The following PCDHGA10 variants were observed in gnomAD, a reference collection of about 807,000 sequenced individuals.
PCDHGA10 encodes protocadherin gamma-A10.
In PCDHGA10, 42 loss-of-function variants were observed where a neutral mutation model predicts 59.5. That is an observed-to-expected ratio of 0.71 (90% CI 0.55 to 0.91). PCDHGA10 has a LOEUF of 0.91. Among genes scored for constraint, PCDHGA10 ranks in the 40% least tolerant of loss-of-function variants. The pLI, the probability that PCDHGA10 is intolerant of heterozygous loss-of-function variation, is 0.00. For missense variants in PCDHGA10, 1,111 were observed against 1,198.2 expected (o/e 0.93, Z 1.07); for synonymous variants, 511 against 517.2 (o/e 0.99, Z 0.16).
At chr5:141,426,702 C>CA (rs1187798274) in intron 1 of PCDHGA10, 1 of 439,184 alleles carries the variant, frequency 2.3e-6, no homozygotes, top group Admixed American at 2.4e-5. Context: ...CATTGTTTTA[C>CA]AAATCAATGA....
intron 1 of PCDHGA10, among the ~76,000 whole-genome samples, chr5:141,470,268 G>A (rs1349444076): frequency 6.6e-6 from 1 of 152,082 alleles, no homozygotes; most frequent in East Asian, 1.9e-4. Flanking sequence ...GGAGATACAT[G>A]TTTGTTTGAT....
In PCDHGA10 at chr5:141,432,508, G is replaced by A. The variant is rs1306067848; in HGVS notation, c.2436+16897G>A. ...TGGAGCTGGCTCCCCGCTCCGCAGA[G>A]CCCGGCTACCTGGTGACCAAGGTGG... On this transcript the variant is annotated intron_variant, in intron 1 of 3. Coordinates refer to ENST00000398610, the MANE Select transcript of PCDHGA10 (RefSeq NM_018913.3). This position sits in a 1 kb window ranked among gnomAD's most constrained non-coding sequence, Gnocchi z 6.0. The A allele has an allele frequency of 1.9e-6, 3 of 1,614,136 alleles. No individual in the cohort carries two copies. Among genetic ancestry groups the A allele is most frequent in the Non-Finnish European group, 2.5e-6 (3 of 1,180,034 alleles).
rs1350353768 is a variant in PCDHGA10, at chr5:141,476,524, T to A, written c.2437-18283T>A. Reference sequence around the variant, plus strand: ...TCAACGACAACAATCCTGCTTTCCCTACCCAGGAAATGAAATTGGAGATTA... The same window carrying A: ...TCAACGACAACAATCCTGCTTTCCCAACCCAGGAAATGAAATTGGAGATTA... On this transcript the variant is annotated intron_variant, in intron 1 of 3. Coordinates refer to ENST00000398610, the MANE Select transcript of PCDHGA10 (RefSeq NM_018913.3). The surrounding 1 kb of genome is among the most constrained non-coding windows in gnomAD (Gnocchi z 7.6). The A allele has an allele frequency of 1.2e-5, 20 of 1,614,064 alleles. No homozygotes were observed. The highest frequency in any genetic ancestry group is 1.7e-5 in the Non-Finnish European group (20 of 1,180,036).
At chr5:141,500,182 A>ATTT (rs1199992745) in intron 2 of PCDHGA10, among the ~76,000 whole-genome samples, 1 of 131,622 alleles carries the variant, frequency 7.6e-6, no homozygotes, top group African/African-American at 3.1e-5. Context: ...CTTCATTTTT[A>ATTT]TTTTTATTTA....
At chr5:141,430,661 G>A in intron 1 of PCDHGA10, 1 of 1,159,744 alleles carries the variant, frequency 8.6e-7, no homozygotes, top group South Asian at 2.1e-5. Context: ...CAACGGAGGA[G>A]CTCTGACTTC....
chr5:141,462,477 G>A (rs1430561580), intron 1 of PCDHGA10, among the ~76,000 whole-genome samples: 1 of 151,828 alleles, frequency 6.6e-6, no homozygotes, highest in East Asian at 1.9e-4. Flanking sequence ...TCTGCTTCTC[G>A]TGGTTGTTGT....
chr5:141,491,857 G>A lies in PCDHGA10; in HGVS notation c.2437-2950G>A. Reference sequence around the variant, plus strand: ...CTCGGGATCATTGGACCGTTTGCGCGAAACCAGAGTGGCCGATTAAGGGAT... The same window carrying A: ...CTCGGGATCATTGGACCGTTTGCGCAAAACCAGAGTGGCCGATTAAGGGAT... On this transcript the variant is annotated intron_variant, in intron 1 of 3. Transcript: ENST00000398610. This position sits in a 1 kb window ranked among gnomAD's most constrained non-coding sequence, Gnocchi z 6.9. The A allele has an allele frequency of 6.9e-7, 1 of 1,457,470 alleles. No homozygotes were observed. The highest frequency in any genetic ancestry group is 1.5e-5 in the South Asian group (1 of 68,508). The allele number at this position is 1,457,470 out of a possible 1,614,324, so 90.3% of individuals were successfully genotyped here. A position where few individuals can be genotyped will look rare whatever the true frequency, so the allele number is the denominator to read the frequency against.
intron 1 of PCDHGA10, chr5:141,478,233 TG>T (rs1467423955): frequency 3.7e-6 from 6 of 1,614,126 alleles, no homozygotes; most frequent in Non-Finnish European, 5.1e-6. Flanking sequence ...GTGGGGTTTG[TG>T]GTCACAGTGT....
At chr5:141,483,603 A>T (rs1277479077) in intron 1 of PCDHGA10, among the ~76,000 whole-genome samples, 1 of 152,054 alleles carries the variant, frequency 6.6e-6, no homozygotes, top group Non-Finnish European at 1.5e-5. Context: ...AGGCTGGTTT[A>T]CACCTCCATC....
At position 141,413,328 on chromosome 5, in the gene PCDHGA10, C is replaced by G; in HGVS notation, c.153C>G (p.Asn51Lys). 6.2e-7 allele frequency: 1 copy of G among 1,614,004 alleles called. No homozygotes were observed. The highest frequency in any genetic ancestry group is 8.5e-7 in the Non-Finnish European group (1 of 1,179,918). The change falls in exon 1 of 4, where the codon AAC becomes AAG. Residue 51 changes from asparagine to lysine, a missense_variant. Asn to Lys is a moderately conservative substitution (Grantham distance 94). Transcript: ENST00000398610. Reference protein sequence around the residue: ...EELEKGSFVGNISKDLGLAPR... With the variant: ...EELEKGSFVGKISKDLGLAPR... ...TAGAGAAAGGCTCTTTCGTGGGCAACATCTCCAAGGACTTGGGTCTGGCGC... is the reference window on the plus strand; with the variant it reads ...TAGAGAAAGGCTCTTTCGTGGGCAAGATCTCCAAGGACTTGGGTCTGGCGC...
At position 141,431,389 on chromosome 5, in the gene PCDHGA10, G is replaced by A; in HGVS notation, c.2436+15778G>A. 2 of 1,613,876 alleles carry A rather than the reference G, an allele frequency of 1.2e-6. No individual in the cohort carries two copies. The highest frequency in any genetic ancestry group is 1.7e-6 in the Non-Finnish European group (2 of 1,180,040). ...GCGAAGAAAAGGCTGCTCACCACCT[G>A]GTCCTTACGGCCTCCGACGGGGGCG... On this transcript the variant is annotated intron_variant, in intron 1 of 3. Coordinates refer to ENST00000398610, the MANE Select transcript of PCDHGA10 (RefSeq NM_018913.3). This position sits in a 1 kb window ranked among gnomAD's most constrained non-coding sequence, Gnocchi z 4.8.
rs752604165 is a variant in PCDHGA10, at chr5:141,494,771, G to A, written c.2437-36G>A. On this transcript the variant is annotated intron_variant, in intron 1 of 3. Coordinates refer to ENST00000398610, the MANE Select transcript of PCDHGA10 (RefSeq NM_018913.3). ...CTCGGGTGACATTCTAACTTCTCAC[G>A]GGTACTCAGCCCCTTTCCCTCTGTT... 74 of 1,613,730 alleles carry A rather than the reference G, an allele frequency of 4.6e-5. No homozygotes were observed. The East Asian group carries it at 1.6e-3, about 36-fold the overall frequency.
chr5:141,458,888 T>C (rs756640295), intron 1 of PCDHGA10, among the ~76,000 whole-genome samples: 3 of 152,118 alleles, frequency 2.0e-5, no homozygotes, highest in Non-Finnish European at 2.9e-5. Flanking sequence ...ATGCACACCA[T>C]GCGCAGCTAA....
At chr5:141,443,853 A>G (rs929370798) in intron 1 of PCDHGA10, among the ~76,000 whole-genome samples, 3 of 152,230 alleles carry the variant, frequency 2.0e-5, no homozygotes, top group African/African-American at 7.2e-5. Flanking sequence ...GGAAAGTCTG[A>G]AAACTGAAAA....
chr5:141,489,775 T>C lies in PCDHGA10; in HGVS notation c.2437-5032T>C, dbSNP rs748163008. The C allele has an allele frequency of 6.2e-7, 1 of 1,614,110 alleles. No homozygotes were observed. The highest frequency in any genetic ancestry group is 8.5e-7 in the Non-Finnish European group (1 of 1,179,986). Reference sequence around the variant, plus strand: ...CACTCTAAGCCCCAACAGCCACTTCTCTCTGAATGTGAAGACCCTAAAAGA... The same window carrying C: ...CACTCTAAGCCCCAACAGCCACTTCCCTCTGAATGTGAAGACCCTAAAAGA... On this transcript the variant is annotated intron_variant, in intron 1 of 3. Coordinates refer to ENST00000398610, the MANE Select transcript of PCDHGA10 (RefSeq NM_018913.3). This position sits in a 1 kb window ranked among gnomAD's most constrained non-coding sequence, Gnocchi z 4.5.
chr5:141,510,978 G>A lies in PCDHGA10; in HGVS notation c.2616G>A (p.Gly872=), dbSNP rs2099883535. 1.2e-6 allele frequency: 2 copies of A among 1,614,160 alleles called. No homozygotes were observed. The change falls in exon 4 of 4, where the codon GGG becomes GGA. Residue 872 remains glycine, a synonymous_variant. Transcript: ENST00000398610. The part of the protein sequence containing the change: ...EAADGSSTLG[G]GAGTMGLSAR... Reference sequence around the variant, plus strand: ...CTGATGGGAGCTCCACCCTGGGAGGGGGTGCCGGCACCATGGGATTGAGCG... The same window carrying A: ...CTGATGGGAGCTCCACCCTGGGAGGAGGTGCCGGCACCATGGGATTGAGCG...
chr5:141,476,966 G>A lies in PCDHGA10; in HGVS notation c.2437-17841G>A. ...CAACGGTGAAATTATTTACTCCTTC[G>A]GCAGCCACAACCGCGCCGGCGTGCG... On this transcript the variant is annotated intron_variant, in intron 1 of 3. Transcript: ENST00000398610. This position sits in a 1 kb window ranked among gnomAD's most constrained non-coding sequence, Gnocchi z 7.6. 1 of 1,614,152 alleles carries A rather than the reference G, an allele frequency of 6.2e-7. No individual in the cohort carries two copies. The highest frequency in any genetic ancestry group is 8.5e-7 in the Non-Finnish European group (1 of 1,180,032).
intron 1 of PCDHGA10, among the ~76,000 whole-genome samples, chr5:141,438,655 T>C (rs1436221152): frequency 7.1e-6 from 1 of 140,042 alleles, no homozygotes; most frequent in Non-Finnish European, 1.5e-5. Flanking sequence ...CACACACATA[T>C]ATGTATATAT....
chr5:141,435,934 T>A (rs1311888999), intron 1 of PCDHGA10, among the ~76,000 whole-genome samples: 2 of 152,160 alleles, frequency 1.3e-5, no homozygotes, highest in Non-Finnish European at 2.9e-5. Flanking sequence ...CAGTTGCTGC[T>A]TCTGAGACCA....
Sources: allele counts gnomAD v4.1 joint callset (sites outside exome capture counted in the v4.1 genomes callset), GRCh38; gene constraint gnomAD v4.1.1; non-coding constraint Gnocchi (gnomAD v3.1); transcripts MANE v1.5; gene names NCBI Gene and HGNC (gene_info 2026-07-23, HGNC 2026-07-21).